The following AHNAK variants were observed in gnomAD, a reference collection of about 807,000 sequenced individuals.
AHNAK encodes the protein neuroblast differentiation-associated protein AHNAK.
Under a neutral mutation model 37.8 loss-of-function variants are expected in AHNAK, and 23 were observed. That is an observed-to-expected ratio of 0.61 (90% confidence interval 0.44 to 0.86). The LOEUF is 0.86. Among genes scored for constraint, AHNAK ranks in the 40% least tolerant of loss-of-function variants. AHNAK has a pLI of 0.00. For synonymous variants in AHNAK, 2,481 were observed against 2,636.3 expected, an observed-to-expected ratio of 0.94 and a Z score of 1.80; for missense variants, 7,411 against 7,319.4, an observed-to-expected ratio of 1.01 and a Z score of -0.46.
chr11:62,529,719 C>G lies in AHNAK; in HGVS notation c.4698G>C (p.Lys1566Asn). The G allele has an allele frequency of 3.1e-6, 5 of 1,614,048 alleles. No homozygotes were observed. The highest frequency in any genetic ancestry group is 3.4e-6 in the Non-Finnish European group (4 of 1,179,984). The change falls in exon 5 of 5, where the codon AAG becomes AAC. Residue 1566 changes from lysine to asparagine, a missense_variant. Transcript: ENST00000378024. ...EAPEGKLKGP[K>N]FKMPSMNIQT... ...GTATATTCATGCTTGGCATCTTGAA[C>G]TTAGGGCCTTTTAGTTTCCCCTCTG...
Position 62,523,414 on chromosome 11 carries a change from G to T in AHNAK, c.11003C>A (p.Ala3668Asp). The change falls in exon 5 of 5, where the codon GCC becomes GAC. Residue 3668 changes from alanine to aspartate, a missense_variant. Transcript: ENST00000378024. ...AAAGTCAGGCATGGAGATCTTGGGG[G>T]CTTTGATGTTCATCTCAGGCATCTT... Reference protein sequence around the residue: ...KFKMPEMNIKAPKISMPDFDL... With the variant: ...KFKMPEMNIKDPKISMPDFDL... 6.2e-7 allele frequency: 1 copy of T among 1,612,994 alleles called. No individual in the cohort carries two copies. Among genetic ancestry groups the T allele is most frequent in the Non-Finnish European group, 8.5e-7 (1 of 1,179,650 alleles).
At chr11:62,460,855 T>C (rs1662474259) in intron 5 of AHNAK, among the ~76,000 whole-genome samples, 1 of 152,114 alleles carries the variant, frequency 6.6e-6, no homozygotes, top group South Asian at 2.1e-4. Flanking sequence ...AGAGTCTCGC[T>C]CTGTCACCCA....
At chr11:62,477,876 T>A (rs1282830297) in intron 5 of AHNAK, among the ~76,000 whole-genome samples, 1 of 151,696 alleles carries the variant, frequency 6.6e-6, no homozygotes, top group Non-Finnish European at 1.5e-5. Flanking sequence ...GAGGTGGTGA[T>A]GGTTGTGCAG....
rs1940155469 is a variant in AHNAK at position 62,519,605 on chromosome 11, C to T, written c.14812G>A (p.Glu4938Lys). 6.2e-7 allele frequency: 1 copy of T among 1,613,622 alleles called. No individual in the cohort carries two copies. Among genetic ancestry groups the T allele is most frequent in the Admixed American group, 1.7e-5 (1 of 59,920 alleles). Residue 4938 changes from glutamate (E) to lysine (K), a missense_variant, in exon 5 of 5, where the codon GAA (glutamate) becomes AAA (lysine). Physicochemically the swap from Glu to Lys is moderately conservative, Grantham distance 56 (BLOSUM62 1). Coordinates refer to ENST00000378024, the MANE Select transcript of AHNAK (RefSeq NM_001620.3). ...CCCTTGAGGTCCACTTCACCACCTT[C>T]TAACTTCGGACCTGAAAATCCAATT... ...PKIGFSGPKL[E>K]GGEVDLKGPK...
chr11:62,445,873 G>A (rs1416716581), intron 5 of AHNAK, among the ~76,000 whole-genome samples: 1 of 152,020 alleles, frequency 6.6e-6, no homozygotes, highest in Non-Finnish European at 1.5e-5. Flanking sequence ...AAAGTTAGCT[G>A]GGCGTGGTAG....
chr11:62,502,600 G>A (rs553239631), intron 4 of AHNAK, among the ~76,000 whole-genome samples: 1 of 152,302 alleles, frequency 6.6e-6, no homozygotes, highest in African/African-American at 2.4e-5. Context: ...AGAGCTGACA[G>A]TCCGGAGCAA....
chr11:62,483,858 CAA>C (rs1173299582), intron 5 of AHNAK, among the ~76,000 whole-genome samples: 6 of 77,872 alleles, frequency 7.7e-5, no homozygotes, highest in Non-Finnish European at 7.5e-5. Context: ...GACTCCATCT[CAA>C]AAAAAAAAAA....
intron 5 of AHNAK, among the ~76,000 whole-genome samples, chr11:62,448,094 T>A (rs1938455764): frequency 6.6e-6 from 1 of 151,872 alleles, no homozygotes; most frequent in Non-Finnish European, 1.5e-5. Flanking sequence ...GCGACGATGG[T>A]GAACCCTGGA....
In AHNAK at chr11:62,521,258, T is replaced by A. The variant is rs761100438; in HGVS notation, c.13159A>T (p.Met4387Leu). Residue 4387 changes from methionine (M) to leucine (L), a missense_variant, in exon 5 of 5, where the codon ATG (methionine) becomes TTG (leucine). By Grantham distance (15) the Met-to-Leu change is conservative. Transcript: ENST00000378024. The part of the protein sequence containing the change: ...EMNIKAPKIS[M>L]PDIDFNLKGP... Reference sequence around the variant, plus strand: ...TTCAAGTTAAAGTCAATGTCAGGCATGGAGATTTTGGGGGCCTTGATGTTC... The same window carrying A: ...TTCAAGTTAAAGTCAATGTCAGGCAAGGAGATTTTGGGGGCCTTGATGTTC... 1 of 1,613,974 alleles carries A rather than the reference T, an allele frequency of 6.2e-7. No individual in the cohort carries two copies. The highest frequency in any genetic ancestry group is 8.5e-7 in the Non-Finnish European group (1 of 1,179,974).
In AHNAK at chr11:62,532,560, C is replaced by T. The variant is rs151201142; in HGVS notation, c.1857G>A (p.Ala619=). The change falls in exon 5 of 5, where the codon GCG becomes GCA. Residue 619 remains alanine (A), a synonymous_variant. Coordinates refer to ENST00000378024, the MANE Select transcript of AHNAK (RefSeq NM_001620.3). ...KVDVSAPDVE[A]HGPEWNLKMP... ...TTTTCAGGTTCCATTCTGGGCCATG[C>T]GCTTCGACATCTGGGGCACTGACAT... is the stretch of plus-strand genomic sequence containing the variant. 1.0e-4 allele frequency: 166 copies of T among 1,613,914 alleles called. No individual in the cohort carries two copies. In the African/African-American group the frequency reaches 1.1e-3, roughly 11 times the overall value.
chr11:62,543,699 C>A (rs529758500), intron 1 of AHNAK, among the ~76,000 whole-genome samples: 2 of 152,308 alleles, frequency 1.3e-5, no homozygotes, highest in East Asian at 3.9e-4. Flanking sequence ...CCTTGGGAGT[C>A]CCACCGGATG....
chr11:62,541,339 G>T (rs1010017392), intron 1 of AHNAK, among the ~76,000 whole-genome samples: 1 of 152,178 alleles, frequency 6.6e-6, no homozygotes, highest in African/African-American at 2.4e-5. Context: ...TGAAACTTCC[G>T]CCCAGCATGG....
intron 3 of AHNAK, 131 bp from the exon 4 acceptor site, chr11:62,535,321 A>G (rs2134249794): frequency 2.5e-6 from 2 of 800,070 alleles, no homozygotes; most frequent in Middle Eastern, 3.3e-4. Flanking sequence ...GGTAATACCC[A>G]TTGTACAGAC....
Position 62,524,852 on chromosome 11 carries a change from C to G in AHNAK, c.9565G>C (p.Asp3189His). 1 of 1,614,130 alleles carries G rather than the reference C, an allele frequency of 6.2e-7. No homozygotes were observed. Among genetic ancestry groups the G allele is most frequent in the Non-Finnish European group, 8.5e-7 (1 of 1,180,024 alleles). The change falls in exon 5 of 5, where the codon GAT becomes CAT. Residue 3189 changes from aspartate to histidine, a missense_variant. Coordinates refer to ENST00000378024, the MANE Select transcript of AHNAK (RefSeq NM_001620.3). ...CCTTCAATATTCACATCTGGAACAT[C>G]AACGTCCACCTTGGGTCCTGAGACG... is the stretch of plus-strand genomic sequence containing the variant. ...LDVSGPKVDV[D>H]VPDVNIEGPD...
In AHNAK at chr11:62,532,451, C is replaced by A; in HGVS notation, c.1966G>T (p.Asp656Tyr). ...ACCTTGGGCCCTGAAATACTGATAT[C>A]TCCTTTGGGTAGAGTCATATGAACA... ...PDVHMTLPKG[D>Y]ISISGPKVNV... is the part of the protein sequence containing the mutation. Residue 656 changes from aspartate to tyrosine, a missense_variant, in exon 5 of 5, where the codon GAT (aspartate) becomes TAT (tyrosine). By Grantham distance (160) the Asp-to-Tyr change is radical. Transcript: ENST00000378024. The A allele has an allele frequency of 6.2e-7, 1 of 1,614,120 alleles. No individual in the cohort carries two copies. Among genetic ancestry groups the A allele is most frequent in the Non-Finnish European group, 8.5e-7 (1 of 1,180,014 alleles).
At chr11:62,496,892 G>GGAAA (rs68100036) in intron 4 of AHNAK, among the ~76,000 whole-genome samples, 4 of 150,926 alleles carry the variant, frequency 2.7e-5, no homozygotes, top group Non-Finnish European at 2.9e-5. Context: ...AAGGAAGGAA[G>GGAAA]GAAAGAAAGA....
intron 5 of AHNAK, among the ~76,000 whole-genome samples, chr11:62,445,852 A>T (rs922133209): frequency 3.3e-5 from 5 of 152,094 alleles, no homozygotes; most frequent in African/African-American, 1.2e-4. Context: ...TCCTGTCTCT[A>T]CTAAAAATAC....
downstream of AHNAK, among the ~76,000 whole-genome samples, chr11:62,512,734 G>A (rs1412925970): frequency 2.6e-5 from 4 of 151,900 alleles, no homozygotes; most frequent in South Asian, 2.1e-4. This position sits in a 1 kb window ranked among gnomAD's most constrained non-coding sequence, Gnocchi z 4.0. Flanking sequence ...GTGAAACCCC[G>A]TCTCTACAAA....
rs1224161573 is a variant in AHNAK at position 62,468,370 on chromosome 11, AAAT to A, written c.442+23359_442+23361del. On this transcript the variant is annotated intron_variant, in intron 5 of 5. Transcript: ENST00000257247. ...CTCCCAAAAAAAAGAAAAAAAAAAA[AAAT>A]ATATATATATATGGGGATTTTATTC... Among the ~76,000 whole-genome samples, 168 of 107,908 alleles carry A rather than the reference AAAT, an allele frequency of 1.6e-3. 1 individual carries two copies. Among genetic ancestry groups the A allele is most frequent in the African/African-American group, 3.9e-3 (138 of 35,174 alleles). 70.8% of individuals were successfully genotyped at this position (107,908 alleles called of 152,430 possible). A position where few individuals can be genotyped will look rare whatever the true frequency, so the allele number is the denominator to read the frequency against.
Sources: gnomAD v4.1 joint callset for allele counts (sites outside exome capture counted in the v4.1 genomes callset) on GRCh38, gnomAD v4.1.1 for gene constraint, Gnocchi (gnomAD v3.1) non-coding constraint, MANE v1.5 for transcripts, NCBI Gene and HGNC (gene_info 2026-07-23, HGNC 2026-07-21) for gene names.